The following BRCA1 variants were observed in gnomAD, a reference collection of about 807,000 sequenced individuals.
BRCA1 encodes BRCA1 DNA repair associated.
Under a neutral mutation model 173.7 loss-of-function variants are expected in BRCA1, and 140 were observed. The observed-to-expected ratio is 0.81, with a 90% CI of 0.70 to 0.93. BRCA1 has a LOEUF of 0.93. Ranked by LOEUF, BRCA1 falls within the 40% of genes least tolerant of loss-of-function variation. BRCA1 has a pLI of 0.00. For missense variants in BRCA1, 1,983 were observed against 2,172.5 expected, an observed-to-expected ratio of 0.91 and a Z score of 1.73; for synonymous variants, 662 against 756.0, an observed-to-expected ratio of 0.88 and a Z score of 2.04.
intron 6 of BRCA1, 100 bp from the exon 7 acceptor site, chr17:43,099,980 TC>T: frequency 1.1e-6 from 1 of 935,450 alleles, no homozygotes; most frequent in Non-Finnish European, 1.8e-6. Flanking sequence ...AAATTGACCA[TC>T]ATCAGTCAGC....
intron 2 of BRCA1, among the ~76,000 whole-genome samples, chr17:43,117,442 T>A (rs2055346915): frequency 6.6e-6 from 1 of 151,624 alleles, no homozygotes; most frequent in African/African-American, 2.4e-5. Context: ...AGACTCTGTC[T>A]CAAAAAAAAG....
chr17:43,048,803 C>T (rs1016333071), intron 21 of BRCA1, among the ~76,000 whole-genome samples: 1 of 151,972 alleles, frequency 6.6e-6, no homozygotes, highest in Non-Finnish European at 1.5e-5. Context: ...CAGACATGAG[C>T]CACCATGCCC....
rs1555587617 is a variant in BRCA1 at position 43,092,045 on chromosome 17, A to G, written c.3486T>C (p.Asp1162=). The change falls in exon 10 of 23, where the codon GAT becomes GAC. Residue 1162 remains aspartate (D), a synonymous_variant. Transcript: ENST00000357654. ...TAATGTCATTTTCAGCAAAACTAGT[A>G]TCTTCCTTTATTTCACCATCATCTA... is the stretch of plus-strand genomic sequence containing the variant. ...DLLDDGEIKE[D]TSFAENDIKE... is the part of the protein sequence containing the mutation. 6.2e-7 allele frequency: 1 copy of G among 1,614,072 alleles called. No homozygotes were observed. The highest frequency in any genetic ancestry group is 1.7e-5 in the Admixed American group (1 of 60,012).
At chr17:43,073,749 T>C (rs1186780832) in intron 14 of BRCA1, among the ~76,000 whole-genome samples, 1 of 145,464 alleles carries the variant, frequency 6.9e-6, no homozygotes, top group East Asian at 2.0e-4. Flanking sequence ...TATATGTGTG[T>C]ATATATATAT....
intron 12 of BRCA1, among the ~76,000 whole-genome samples, chr17:43,079,025 C>A (rs1447919374): frequency 1.3e-5 from 2 of 152,118 alleles, no homozygotes; most frequent in East Asian, 1.9e-4. Context: ...CATGGTGAAA[C>A]CCTGTCTCTA....
At chr17:43,144,674 C>T (rs2056105653) in intron 1 of BRCA1, 2 of 183,968 alleles carry the variant, frequency 1.1e-5, no homozygotes, top group Admixed American at 5.5e-5. Context: ...ATTTAAATGT[C>T]TTACTGCATG....
rs145903082 is a variant in BRCA1, at chr17:43,091,781, C to G, written c.3750G>C (p.Glu1250Asp). 5 of 1,614,040 alleles carry G rather than the reference C, an allele frequency of 3.1e-6. No individual in the cohort carries two copies. In the African/African-American group the frequency reaches 6.7e-5, roughly 22 times the overall value. The change falls in exon 10 of 23, where the codon GAG becomes GAC. Residue 1250 changes from glutamate to aspartate, a missense_variant. Glu to Asp is a conservative substitution (Grantham distance 45). Coordinates refer to ENST00000357654, the MANE Select transcript of BRCA1 (RefSeq NM_007294.4). ...TCTCCTCTGTGTTCTTAGACAGACA[C>G]TCGGTAGCAACGGTGCTATGCCTAG... is the stretch of plus-strand genomic sequence containing the variant. ...QSTRHSTVAT[E>D]CLSKNTEENL... is the part of the protein sequence containing the mutation.
Position 43,045,773 on chromosome 17 carries a change from C to A in BRCA1, c.5497G>T (p.Val1833Leu). 1 of 1,614,132 alleles carries A rather than the reference C, an allele frequency of 6.2e-7. No individual in the cohort carries two copies. The highest frequency in any genetic ancestry group is 8.5e-7 in the Non-Finnish European group (1 of 1,180,040). The change falls in exon 23 of 23, where the codon GTG (valine) becomes TTG (leucine). Residue 1833 changes from valine to leucine, a missense_variant. Val to Leu is a conservative substitution (Grantham distance 32, BLOSUM62 1). Transcript: ENST00000357654. ...CTGTCCAACACCCACTCTCGGGTCA[C>A]CACAGGTGCCTCACACATCTGCCCA... is the stretch of plus-strand genomic sequence containing the variant. ...AIGQMCEAPVVTREWVLDSVA... is the reference protein window; with the variant it reads ...AIGQMCEAPVLTREWVLDSVA...
At chr17:43,082,275 C>A (rs1207590194) in intron 12 of BRCA1, 129 bp downstream of exon 12, 10 of 1,051,050 alleles carry the variant, frequency 9.5e-6, no homozygotes. Context: ...AGAACCAAGG[C>A]TCCATAATTA....
rs2054618893 is a variant in BRCA1, at chr17:43,104,135, T to C, written c.428A>G (p.Glu143Gly). 1 of 1,613,780 alleles carries C rather than the reference T, an allele frequency of 6.2e-7. No homozygotes were observed. The highest frequency in any genetic ancestry group is 1.1e-5 in the South Asian group (1 of 90,968). The change falls in exon 6 of 23, where the codon GAA becomes GGA. Residue 143 changes from glutamate (E) to glycine (G), a missense_variant. Coordinates refer to ENST00000357654, the MANE Select transcript of BRCA1 (RefSeq NM_007294.4). ...AAATGGTTTTACCAAGGAAGGATTT[T>C]CGGGTTCACTCTGTAGAAGTCTTTT... ...RAKRLLQSEPENPSLQETSLS... is the reference protein window; with the variant it reads ...RAKRLLQSEPGNPSLQETSLS...
At chr17:43,073,275 GCTTT>G (rs1195018797) in intron 14 of BRCA1, among the ~76,000 whole-genome samples, 1 of 152,016 alleles carries the variant, frequency 6.6e-6, no homozygotes, top group African/African-American at 2.4e-5. Context: ...TGTGGCAAAT[GCTTT>G]ATTTTTGTTT....
intron 16 of BRCA1, among the ~76,000 whole-genome samples, chr17:43,065,770 T>C (rs1428342196): frequency 2.0e-5 from 3 of 152,224 alleles, no homozygotes; most frequent in South Asian, 2.1e-4. Flanking sequence ...CCACACAATC[T>C]GCATCTTCTG....
chr17:43,128,644 T>A (rs1278936743), upstream of BRCA1, among the ~76,000 whole-genome samples: 1 of 152,142 alleles, frequency 6.6e-6, no homozygotes, highest in Non-Finnish European at 1.5e-5. Context: ...TAGGAAACGA[T>A]AACTGGAAGA....
At chr17:43,087,664 GAA>G (rs1302904943) in intron 11 of BRCA1, among the ~76,000 whole-genome samples, 5 of 66,950 alleles carry the variant, frequency 7.5e-5, no homozygotes, top group Non-Finnish European at 1.2e-4. Context: ...CTCCATCTCA[GAA>G]AAAAAAAAAA....
Position 43,093,263 on chromosome 17 carries a change from C to A in BRCA1, c.2268G>T (p.Arg756Ser), listed in dbSNP as rs80356884. 1.2e-6 allele frequency: 2 copies of A among 1,614,030 alleles called. No individual in the cohort carries two copies. The highest frequency in any genetic ancestry group is 2.2e-5 in the East Asian group (1 of 44,876). ...CTACAGATCTTTCAGTTTGCAAAAC[C>A]CTTTCTCCACTTAACATGAGATCTT... ...DPKDLMLSGE[R>S]VLQTERSVES... The change falls in exon 10 of 23, where the codon AGG (arginine) becomes AGT (serine). Residue 756 changes from arginine to serine, a missense_variant. By Grantham distance (110) the Arg-to-Ser change is moderately radical (BLOSUM62 -1). Coordinates refer to ENST00000357654, the MANE Select transcript of BRCA1 (RefSeq NM_007294.4).
chr17:43,077,868 T>G (rs1394883975), intron 12 of BRCA1, among the ~76,000 whole-genome samples: 1 of 151,910 alleles, frequency 6.6e-6, no homozygotes, highest in Admixed American at 6.6e-5. Context: ...CCCAAGTAGT[T>G]GGGATTACAG....
chr17:43,049,153 C>T lies in BRCA1; in HGVS notation c.5374G>A (p.Val1792Met), dbSNP rs1555575131. The stretch of plus-strand genomic sequence containing the variant: ...AGGGTGAATGATGAAAGCTCCTTCA[C>T]CACAGAAGCACCACACAGCTGTACC... ...WMVQLCGASV[V>M]KELSSFTLGT... Residue 1792 changes from valine to methionine, a missense_variant, in exon 21 of 23, where the codon GTG becomes ATG. Val to Met is a conservative substitution (Grantham distance 21, BLOSUM62 1). Coordinates refer to ENST00000357654, the MANE Select transcript of BRCA1 (RefSeq NM_007294.4). 1 of 1,614,156 alleles carries T rather than the reference C, an allele frequency of 6.2e-7. No homozygotes were observed.
chr17:43,113,773 C>T lies in BRCA1; in HGVS notation c.134+1953G>A, dbSNP rs538963430. Among the ~76,000 whole-genome samples the T allele has an allele frequency of 5.3e-5, 8 of 152,256 alleles. No homozygotes were observed. In the South Asian group the frequency reaches 1.2e-3, roughly 24 times the overall value. On this transcript the variant is annotated intron_variant, in intron 3 of 22. Transcript: ENST00000357654. ...AAAGCAACTATATTCATAACTTAAT[C>T]TCTCTTTTTTTGTTAAGAGACAGGG...
intron 16 of BRCA1, among the ~76,000 whole-genome samples, chr17:43,065,693 AATC>A (rs1373570440): frequency 1.3e-5 from 2 of 152,078 alleles, no homozygotes; most frequent in African/African-American, 4.8e-5. Flanking sequence ...AAAACAAAAG[AATC>A]ATCATCAAGT....
Sources: allele counts gnomAD v4.1 joint callset (sites outside exome capture counted in the v4.1 genomes callset), GRCh38; gene constraint gnomAD v4.1.1; transcripts MANE v1.5; gene names NCBI Gene and HGNC (gene_info 2026-07-23, HGNC 2026-07-21).